CDKAL1: variants seen among roughly 807,000 people sequenced by gnomAD.
The protein encoded by CDKAL1 is CDKAL1 threonylcarbamoyladenosine tRNA methylthiotransferase, also known as threonylcarbamoyladenosine tRNA methylthiotransferase.
Under a neutral mutation model 68.2 loss-of-function variants are expected in CDKAL1, and 32 were observed. The ratio of observed to expected loss-of-function variants is 0.47; its 90% CI spans 0.35 to 0.63. The LOEUF is 0.63. Ranked by LOEUF, CDKAL1 falls within the 30% of genes least tolerant of loss-of-function variation. The pLI is 0.00. For missense variants in CDKAL1, 606 were observed against 696.7 expected (o/e 0.87, Z 1.47); for synonymous variants, 234 against 244.3 (o/e 0.96, Z 0.39).
At chr6:20,542,500 C>T (rs1455430571) in intron 2 of CDKAL1, among the ~76,000 whole-genome samples, 3 of 152,122 alleles carry the variant, frequency 2.0e-5, no homozygotes, top group Non-Finnish European at 4.4e-5. Context: ...GATGAGATGA[C>T]CCTATAAAGG....
At chr6:20,623,429 A>T (rs763184317) in intron 4 of CDKAL1, among the ~76,000 whole-genome samples, 3 of 152,108 alleles carry the variant, frequency 2.0e-5, no homozygotes, top group Non-Finnish European at 4.4e-5. Flanking sequence ...ATTTTGTAGC[A>T]CTTAAGTGAT....
intron 12 of CDKAL1, 110 bp from the exon 13 acceptor site, chr6:21,108,291 A>G (rs1773948809): frequency 2.9e-6 from 2 of 690,312 alleles, no homozygotes; most frequent in Non-Finnish European, 2.4e-6. Context: ...AAAAAAAAAA[A>G]AAAAAAACTT....
At chr6:20,834,106 G>T (rs867509815) in intron 8 of CDKAL1, among the ~76,000 whole-genome samples, 17 of 152,142 alleles carry the variant, frequency 1.1e-4, no homozygotes, top group African/African-American at 4.1e-4. Flanking sequence ...TCCCTTAAGT[G>T]GACTAAGTGG....
intron 5 of CDKAL1, among the ~76,000 whole-genome samples, chr6:20,651,737 T>G (rs902160663): frequency 6.6e-6 from 1 of 152,124 alleles, no homozygotes; most frequent in African/African-American, 2.4e-5. Context: ...CCATCAATAC[T>G]TAGTTTATTG....
chr6:21,122,134 C>T (rs1228251394), intron 13 of CDKAL1, among the ~76,000 whole-genome samples: 1 of 152,148 alleles, frequency 6.6e-6, no homozygotes, highest in Non-Finnish European at 1.5e-5. Flanking sequence ...TTTATCCAAA[C>T]AAGAGTCAAA....
At chr6:20,624,335 T>C (rs1396983500) in intron 4 of CDKAL1, among the ~76,000 whole-genome samples, 2 of 151,662 alleles carry the variant, frequency 1.3e-5, no homozygotes, top group East Asian at 3.9e-4. Flanking sequence ...GCCATACCAT[T>C]CCCCATCATT....
At chr6:21,019,691 T>G (rs151114436) in intron 11 of CDKAL1, among the ~76,000 whole-genome samples, 307 of 152,296 alleles carry the variant, frequency 2.0e-3, no homozygotes, top group Non-Finnish European at 3.4e-3. Flanking sequence ...TCACCGTGAT[T>G]TCCGAAATTT....
chr6:20,602,186 G>A (rs1453060569), intron 4 of CDKAL1, among the ~76,000 whole-genome samples: 1 of 152,108 alleles, frequency 6.6e-6, no homozygotes, highest in African/African-American at 2.4e-5. Flanking sequence ...ATTTGCTAAA[G>A]ATACTTATCT....
In CDKAL1 at chr6:21,114,117, C is replaced by G. The variant is rs542513923; in HGVS notation, c.1299+5654C>G. On this transcript the variant is annotated intron_variant, in intron 13 of 15. Coordinates refer to ENST00000274695, the MANE Select transcript of CDKAL1 (RefSeq NM_017774.3). Reference sequence around the variant, plus strand: ...GAAAAAATTAGCCGGGCGTGGTGGCCGGCGCCTGTAGTCCCCGCTACTCGG... The same window carrying G: ...GAAAAAATTAGCCGGGCGTGGTGGCGGGCGCCTGTAGTCCCCGCTACTCGG... 2.0e-4 allele frequency among the ~76,000 whole-genome samples: 31 copies of G among 151,276 alleles called. 1 individual carries two copies. The highest frequency in any genetic ancestry group is 2.9e-4 in the African/African-American group (12 of 41,280).
chr6:21,025,104 T>A (rs1394656521), intron 11 of CDKAL1, among the ~76,000 whole-genome samples: 2 of 152,228 alleles, frequency 1.3e-5, no homozygotes, highest in Non-Finnish European at 2.9e-5. Context: ...AATCCACTTG[T>A]CTGATATAAC....
At chr6:21,058,697 A>G (rs913907102) in intron 11 of CDKAL1, among the ~76,000 whole-genome samples, 14 of 152,160 alleles carry the variant, frequency 9.2e-5, no homozygotes, top group African/African-American at 3.4e-4. Context: ...AGCTGTTGCA[A>G]GGCAGGCCTG....
At chr6:20,887,792 G>T (rs1248296422) in intron 9 of CDKAL1, among the ~76,000 whole-genome samples, 42 of 149,860 alleles carry the variant, frequency 2.8e-4, no homozygotes, top group Non-Finnish European at 5.3e-4. Context: ...TTTTGTAGTT[G>T]TTGTTTTAAG....
intron 4 of CDKAL1, among the ~76,000 whole-genome samples, chr6:20,593,866 G>A (rs985477366): frequency 6.6e-6 from 1 of 152,158 alleles, no homozygotes; most frequent in African/African-American, 2.4e-5. Context: ...TAGAGATTCT[G>A]GTACGTTGTG....
rs748807478 is a variant in CDKAL1 at position 20,955,456 on chromosome 6, G to A, written c.780G>A (p.Thr260=). Residue 260 remains threonine (T), a synonymous_variant, in exon 10 of 16, where the codon ACG becomes ACA. Coordinates refer to ENST00000274695, the MANE Select transcript of CDKAL1 (RefSeq NM_017774.3). ...AGATATGGTTGACCAGTGAAGACAC[G>A]GGGGCTTATGGCAGAGATATTGGCA... ...VCEIWLTSED[T]GAYGRDIGTN... is the part of the protein sequence containing the mutation. 12 of 1,613,962 alleles carry A rather than the reference G, an allele frequency of 7.4e-6. No individual in the cohort carries two copies. In the East Asian group the frequency reaches 1.1e-4, roughly 15 times the overall value.
chr6:20,998,349 C>T (rs1046359437), intron 10 of CDKAL1, among the ~76,000 whole-genome samples: 1 of 152,132 alleles, frequency 6.6e-6, no homozygotes, highest in Non-Finnish European at 1.5e-5. Flanking sequence ...CGGTGGCTCA[C>T]GCCTGTAATC....
chr6:20,642,477 GAAA>G (rs70990055), intron 4 of CDKAL1, among the ~76,000 whole-genome samples: 1 of 117,850 alleles, frequency 8.5e-6, no homozygotes, highest in African/African-American at 3.2e-5. Flanking sequence ...ATGAAAAACA[GAAA>G]AAAAAAAAAA....
At chr6:21,202,656 C>T (rs756102483) in intron 15 of CDKAL1, among the ~76,000 whole-genome samples, 1 of 152,168 alleles carries the variant, frequency 6.6e-6, no homozygotes, top group Non-Finnish European at 1.5e-5. Flanking sequence ...ATTTCAAAGA[C>T]TCTGCCTGGT....
chr6:20,676,717 TAAAA>T (rs150618463), intron 5 of CDKAL1, among the ~76,000 whole-genome samples: 1 of 127,224 alleles, frequency 7.9e-6, no homozygotes, highest in South Asian at 2.1e-4. Flanking sequence ...TAAAATAAAA[TAAAA>T]AAGTCTTTTA....
rs958276820 is a variant in CDKAL1 at position 20,536,032 on chromosome 6, A to C, written c.-6+638A>C. Among the ~76,000 whole-genome samples the C allele has an allele frequency of 3.9e-5, 6 of 152,100 alleles. No individual in the cohort carries two copies. The East Asian group carries it at 1.2e-3, about 29-fold the overall frequency. ...CTGCAGCCTTGACCACCTGGTCTCA[A>C]GTGATCCCACTTCAGCCTCCCAAGT... is the stretch of plus-strand genomic sequence containing the variant. On this transcript the variant is annotated intron_variant, in intron 2 of 15. Transcript: ENST00000274695.
Sources: allele counts gnomAD v4.1 joint callset (sites outside exome capture counted in the v4.1 genomes callset), GRCh38; gene constraint gnomAD v4.1.1; transcripts MANE v1.5; gene names NCBI Gene and HGNC (gene_info 2026-07-23, HGNC 2026-07-21).